The following SH3BP4 variants were observed in gnomAD, a reference collection of about 807,000 sequenced individuals.
SH3BP4 encodes SH3 domain binding protein 4.
A neutral mutation model predicts 65.5 loss-of-function variants in SH3BP4; 33 were observed. The observed-to-expected ratio is 0.50, with a 90% CI of 0.38 to 0.67. SH3BP4 has a LOEUF of 0.67. SH3BP4 is among the 30% of genes least tolerant of loss of function. The pLI is 0.00. For synonymous variants in SH3BP4, 552 were observed against 545.5 expected (o/e 1.01, Z -0.17); for missense variants, 1,134 against 1,261.4 (o/e 0.90, Z 1.53).
In SH3BP4 at chr2:235,041,544, G is replaced by A. The variant is rs1310350653; in HGVS notation, c.775G>A (p.Ala259Thr). ...CTCCGTCCTCCAAGCCAAGTCCGAT[G>A]CTCCCACATCGTCGAGTTTCTTCAC... ...ELSVLQAKSD[A>T]PTSSSFFTGL... Residue 259 changes from alanine (A) to threonine (T), a missense_variant, in exon 4 of 6, where the codon GCT becomes ACT. By Grantham distance (58) the Ala-to-Thr change is moderately conservative. Coordinates refer to ENST00000392011, the MANE Select transcript of SH3BP4 (RefSeq NM_014521.3). This position sits in a 1 kb window ranked among gnomAD's most constrained non-coding sequence, Gnocchi z 6.0. 13 of 1,614,094 alleles carry A rather than the reference G, an allele frequency of 8.1e-6. No individual in the cohort carries two copies. Among genetic ancestry groups the A allele is most frequent in the East Asian group, 2.2e-5 (1 of 44,862 alleles).
intron 1 of SH3BP4, among the ~76,000 whole-genome samples, chr2:234,984,659 G>A (rs999474953): frequency 6.6e-6 from 1 of 152,154 alleles, no homozygotes. Flanking sequence ...AGAACCGACT[G>A]AGTGCTCAGG....
At chr2:235,032,607 G>A (rs1490420479) in intron 2 of SH3BP4, among the ~76,000 whole-genome samples, 1 of 152,190 alleles carries the variant, frequency 6.6e-6, no homozygotes, top group Non-Finnish European at 1.5e-5. Context: ...CTGCCTGGCT[G>A]TGGTAGGGTG....
chr2:234,994,080 T>C (rs1693837682), intron 1 of SH3BP4, among the ~76,000 whole-genome samples: 1 of 152,236 alleles, frequency 6.6e-6, no homozygotes. Context: ...CGTGTCTACG[T>C]AGAGATCAAC....
chr2:234,982,326 G>A (rs1693412361), intron 1 of SH3BP4, among the ~76,000 whole-genome samples: 1 of 152,134 alleles, frequency 6.6e-6, no homozygotes, highest in South Asian at 2.1e-4. Context: ...CTGTGTTGGT[G>A]CCCTCCGCCT....
chr2:235,031,864 A>T (rs988151459), intron 2 of SH3BP4, among the ~76,000 whole-genome samples: 2 of 152,244 alleles, frequency 1.3e-5, no homozygotes, highest in Non-Finnish European at 2.9e-5. Flanking sequence ...GTGGAGCCCC[A>T]GATGCCTGAT....
intron 4 of SH3BP4, among the ~76,000 whole-genome samples, chr2:235,049,325 C>T (rs1695972756): frequency 6.6e-6 from 1 of 152,160 alleles, no homozygotes; most frequent in Non-Finnish European, 1.5e-5. Flanking sequence ...AGGAATGACT[C>T]GAGTCAGAAG....
intron 2 of SH3BP4, among the ~76,000 whole-genome samples, chr2:235,027,051 CG>C (rs1250319331): frequency 1.3e-5 from 2 of 152,206 alleles, no homozygotes; most frequent in Non-Finnish European, 2.9e-5. Flanking sequence ...CTGTAACAGG[CG>C]GGGCATCTGC....
chr2:235,029,628 A>C (rs1303877493), intron 2 of SH3BP4, among the ~76,000 whole-genome samples: 1 of 152,240 alleles, frequency 6.6e-6, no homozygotes, highest in African/African-American at 2.4e-5. Flanking sequence ...AATCTTAAAA[A>C]TGTTTTATTG....
rs573736484 is a variant in SH3BP4 at position 234,974,900 on chromosome 2, C to T, written c.-206-20403C>T. On this transcript the variant is annotated intron_variant, in intron 1 of 5. Coordinates refer to ENST00000392011, the MANE Select transcript of SH3BP4 (RefSeq NM_014521.3). This position sits in a 1 kb window ranked among gnomAD's most constrained non-coding sequence, Gnocchi z 4.6. The stretch of plus-strand genomic sequence containing the variant: ...CTGGCACGCCCTGCCTGCCCCGTTA[C>T]GTGGCGATTTGTGATGGGGATCATA... Among the ~76,000 whole-genome samples the T allele has an allele frequency of 6.6e-6, 1 of 152,138 alleles. No individual in the cohort carries two copies. The highest frequency in any genetic ancestry group is 1.5e-5 in the Non-Finnish European group (1 of 68,026).
At chr2:235,023,000 G>A (rs1197741717) in intron 2 of SH3BP4, among the ~76,000 whole-genome samples, 1 of 152,138 alleles carries the variant, frequency 6.6e-6, no homozygotes, top group Non-Finnish European at 1.5e-5. Context: ...ACTTAGTGGA[G>A]TAATAAGGCC....
rs756447204 is a variant in SH3BP4 at position 235,042,568 on chromosome 2, T to G, written c.1799T>G (p.Ile600Ser). The change falls in exon 4 of 6, where the codon ATC becomes AGC. Residue 600 changes from isoleucine (I) to serine (S), a missense_variant. Ile to Ser is a moderately radical substitution (Grantham distance 142, BLOSUM62 -2). Coordinates refer to ENST00000392011, the MANE Select transcript of SH3BP4 (RefSeq NM_014521.3). The surrounding 1 kb of genome is among the most constrained non-coding windows in gnomAD (Gnocchi z 7.3). ...RVQVKDDQEA[I>S]LTQFCVQTPQ... is the part of the protein sequence containing the mutation. ...CAGGTGAAGGACGACCAGGAGGCCA[T>G]CCTCACCCAGTTTTGTGTCCAGACT... The G allele has an allele frequency of 2.5e-6, 4 of 1,613,916 alleles. No homozygotes were observed. The highest frequency in any genetic ancestry group is 2.5e-6 in the Non-Finnish European group (3 of 1,180,010).
chr2:234,988,211 C>G (rs1477090330), intron 1 of SH3BP4, among the ~76,000 whole-genome samples: 1 of 152,158 alleles, frequency 6.6e-6, no homozygotes. Flanking sequence ...GGGCGCCCAC[C>G]ACCACGCCTG....
In SH3BP4 at chr2:234,967,337, G is replaced by T. The variant is rs1343732910; in HGVS notation, c.-207+15167G>T. ...GAGGTCGCAGATGACGTGTGAGGGTGGGCGGGAGGTTGCCAGGTGGGTAAT... is the reference window on the plus strand; with the variant it reads ...GAGGTCGCAGATGACGTGTGAGGGTTGGCGGGAGGTTGCCAGGTGGGTAAT... On this transcript the variant is annotated intron_variant, in intron 1 of 5. Transcript: ENST00000392011. This position sits in a 1 kb window ranked among gnomAD's most constrained non-coding sequence, Gnocchi z 4.6. Among the ~76,000 whole-genome samples, 9 of 152,176 alleles carry T rather than the reference G, an allele frequency of 5.9e-5. No homozygotes were observed. The highest frequency in any genetic ancestry group is 1.5e-5 in the Non-Finnish European group (1 of 68,014).
chr2:235,022,420 G>A (rs1279200526), intron 2 of SH3BP4, among the ~76,000 whole-genome samples: 1 of 152,054 alleles, frequency 6.6e-6, no homozygotes, highest in East Asian at 1.9e-4. Context: ...AGGTGTGGTG[G>A]CGCACACCTG....
rs1008522678 is a variant in SH3BP4, at chr2:235,046,365, T to C, written c.2478+3118T>C. 2.6e-5 allele frequency among the ~76,000 whole-genome samples: 4 copies of C among 152,126 alleles called. No individual in the cohort carries two copies. The highest frequency in any genetic ancestry group is 5.9e-5 in the Non-Finnish European group (4 of 68,020). On this transcript the variant is annotated intron_variant, in intron 4 of 5. Transcript: ENST00000392011. The surrounding 1 kb of genome is among the most constrained non-coding windows in gnomAD (Gnocchi z 4.2). ...AGGAGAATCGCTTGAGCCCGGGAAT[T>C]CAAGACCAGCCTGAGCAACATAGTG...
intron 1 of SH3BP4, among the ~76,000 whole-genome samples, chr2:234,982,555 G>A (rs1693419941): frequency 6.6e-6 from 1 of 152,218 alleles, no homozygotes; most frequent in African/African-American, 2.4e-5. Context: ...AGGAAGTGCT[G>A]TGGGGCTGAG....
chr2:235,038,299 T>TA lies in SH3BP4; in HGVS notation c.119-2589_119-2588insA, dbSNP rs1417284927. Among the ~76,000 whole-genome samples the TA allele has an allele frequency of 7.4e-3, 87 of 11,742 alleles. 5 individuals are homozygous for TA. The highest frequency in any genetic ancestry group is 0.067 in the African/African-American group (82 of 1,228). The allele number at this position is 11,742 out of a possible 152,430, so 7.7% of individuals were successfully genotyped here. A position where few individuals can be genotyped will look rare whatever the true frequency, so the allele number is the denominator to read the frequency against. On this transcript the variant is annotated intron_variant, in intron 3 of 5. Transcript: ENST00000392011. ...ATATATATTATATATAATATATATA[T>TA]TATATATATATATTATATATTATAT...
At chr2:235,010,828 CCCTCTCCT>C (rs1694464819) in intron 2 of SH3BP4, among the ~76,000 whole-genome samples, 1 of 134,208 alleles carries the variant, frequency 7.5e-6, no homozygotes, top group Non-Finnish European at 1.7e-5. Flanking sequence ...AACCCTTCCT[CCCTCTCCT>C]AGGAGAACCC....
At chr2:235,043,934 A>G (rs1430426164) in intron 4 of SH3BP4, among the ~76,000 whole-genome samples, 1 of 152,204 alleles carries the variant, frequency 6.6e-6, no homozygotes, top group East Asian at 1.9e-4. Context: ...TACTTTTCCC[A>G]CCGAATCTGT....
Sources: gnomAD v4.1 joint callset for allele counts (sites outside exome capture counted in the v4.1 genomes callset) on GRCh38, gnomAD v4.1.1 for gene constraint, Gnocchi (gnomAD v3.1) non-coding constraint, MANE v1.5 for transcripts, NCBI Gene and HGNC (gene_info 2026-07-23, HGNC 2026-07-21) for gene names.